PLEKHG1: variants seen among roughly 807,000 people sequenced by gnomAD.
The protein encoded by PLEKHG1 is pleckstrin homology and RhoGEF domain containing G1.
PLEKHG1 carries 44 observed loss-of-function variants against 100.8 expected under a neutral mutation model. The observed-to-expected ratio is 0.44, with a 90% CI of 0.34 to 0.56. The LOEUF (loss-of-function observed/expected upper bound fraction) is 0.56. Among genes scored for constraint, PLEKHG1 ranks in the 20% least tolerant of loss-of-function variants. PLEKHG1 has a pLI of 0.01. For synonymous variants in PLEKHG1, 640 were observed against 662.5 expected (o/e 0.97, Z 0.52); for missense variants, 1,545 against 1,720.9 (o/e 0.90, Z 1.81).
intron 12 of PLEKHG1, among the ~76,000 whole-genome samples, chr6:150,820,063 G>A (rs181474311): frequency 6.6e-6 from 1 of 152,246 alleles, no homozygotes; most frequent in African/African-American, 2.4e-5. Context: ...ATAAAAGTTA[G>A]CCAGGCGTGG....
At chr6:150,641,745 C>G (rs1263965314) in intron 2 of PLEKHG1, among the ~76,000 whole-genome samples, 1 of 151,842 alleles carries the variant, frequency 6.6e-6, no homozygotes, top group Admixed American at 6.6e-5. Flanking sequence ...TTTTCCCTCC[C>G]CTGAAACTGA....
At chr6:150,704,255 C>T (rs1234903759) in intron 3 of PLEKHG1, among the ~76,000 whole-genome samples, 2 of 152,202 alleles carry the variant, frequency 1.3e-5, no homozygotes, top group Non-Finnish European at 2.9e-5. Context: ...ATAAACCTTC[C>T]TCTGGTCTTC....
intron 3 of PLEKHG1, among the ~76,000 whole-genome samples, chr6:150,687,752 T>A (rs975569454): frequency 1.3e-5 from 2 of 152,192 alleles, no homozygotes; most frequent in African/African-American, 4.8e-5. Context: ...CATGCTCTCA[T>A]CTGACCCCAC....
chr6:150,767,308 G>A (rs978072504), intron 2 of PLEKHG1, among the ~76,000 whole-genome samples: 1 of 152,080 alleles, frequency 6.6e-6, no homozygotes, highest in Non-Finnish European at 1.5e-5. Context: ...AAGCTATTTG[G>A]GGATTTTAAT....
rs373293094 is a variant in PLEKHG1, at chr6:150,601,700, C to A, written c.-204+1683C>A. Among the ~76,000 whole-genome samples, 13 of 152,332 alleles carry A rather than the reference C, an allele frequency of 8.5e-5. 1 individual carries two copies. The highest frequency in any genetic ancestry group is 1.9e-4 in the East Asian group (1 of 5,190). On this transcript the variant is annotated intron_variant, in intron 1 of 3. Transcript: ENST00000367326. ...TAGGTCATCAGTAGCAGTCCACAGT[C>A]AACAGCAATGGCTGCACGACCTTCC...
intron 1 of PLEKHG1, among the ~76,000 whole-genome samples, chr6:150,728,901 A>C (rs982236031): frequency 6.6e-6 from 1 of 152,220 alleles, no homozygotes; most frequent in Non-Finnish European, 1.5e-5. Flanking sequence ...TGTCTCAAAA[A>C]AGAAAAAAAA....
chr6:150,723,610 A>T (rs1262766499), intron 1 of PLEKHG1, among the ~76,000 whole-genome samples: 1 of 152,208 alleles, frequency 6.6e-6, no homozygotes, highest in Non-Finnish European at 1.5e-5. Context: ...ACAGTTTTCA[A>T]AAAGTAATGA....
chr6:150,743,318 C>T lies in PLEKHG1; in HGVS notation c.411+9226C>T, dbSNP rs538044487. ...GGCAGGTCATTTGAGGTCAGGAGTT[C>T]AAGACCAGCCTGACCAGCATGGTGA... On this transcript the variant is annotated intron_variant, in intron 2 of 15. Transcript: ENST00000358517. Among the ~76,000 whole-genome samples the T allele has an allele frequency of 1.8e-4, 28 of 152,148 alleles. No homozygotes were observed. In the East Asian group the frequency reaches 5.2e-3, roughly 28 times the overall value.
Position 150,804,593 on chromosome 6 carries a change from GT to G in PLEKHG1, c.781-15del. 1 of 1,538,566 alleles carries G rather than the reference GT, an allele frequency of 6.5e-7. No individual in the cohort carries two copies. The highest frequency in any genetic ancestry group is 8.8e-7 in the Non-Finnish European group (1 of 1,142,556). Reference sequence around the variant, plus strand: ...TAAAATGAAAAAAAAAAAAACCCTCGTTCTTTTTTGTTTAAGGAAATAGAAA... The same window carrying G: ...TAAAATGAAAAAAAAAAAAACCCTCGTCTTTTTTGTTTAAGGAAATAGAAA... On this transcript the variant is annotated splice_polypyrimidine_tract_variant and intron_variant, in intron 6 of 15. Transcript: ENST00000358517.
chr6:150,753,668 T>C (rs911880497), intron 2 of PLEKHG1, among the ~76,000 whole-genome samples: 1 of 152,196 alleles, frequency 6.6e-6, no homozygotes, highest in African/African-American at 2.4e-5. Flanking sequence ...TGAGAGTTAA[T>C]CTACTTTTGA....
At chr6:150,786,539 GT>G (rs1785632475) in intron 4 of PLEKHG1, 80 bp downstream of exon 5, 2 of 922,780 alleles carry the variant, frequency 2.2e-6, no homozygotes, top group Admixed American at 2.1e-5. Context: ...AAAATGACTG[GT>G]TTGTTTCATA....
intron 2 of PLEKHG1, among the ~76,000 whole-genome samples, chr6:150,741,643 T>C (rs898751051): frequency 5.3e-5 from 8 of 151,776 alleles, no homozygotes; most frequent in Admixed American, 5.2e-4. Context: ...GAATATTGAA[T>C]GTACAGAGGA....
chr6:150,817,289 C>T (rs990350230), intron 10 of PLEKHG1, among the ~76,000 whole-genome samples: 3 of 152,136 alleles, frequency 2.0e-5, no homozygotes, highest in African/African-American at 7.2e-5. Context: ...CCTTCAGGGC[C>T]GTCTCACTCT....
intron 1 of PLEKHG1, among the ~76,000 whole-genome samples, chr6:150,616,369 A>C (rs1000950526): frequency 6.6e-6 from 1 of 152,200 alleles, no homozygotes; most frequent in African/African-American, 2.4e-5. Context: ...TCACTTGGGA[A>C]GAGAAAAGGA....
intron 2 of PLEKHG1, among the ~76,000 whole-genome samples, chr6:150,738,881 A>G (rs528180894): frequency 6.6e-6 from 1 of 152,348 alleles, no homozygotes; most frequent in South Asian, 2.1e-4. Flanking sequence ...ATGAGATGAT[A>G]AATATGAAAG....
chr6:150,611,824 A>AAAAAG (rs1228171836), intron 1 of PLEKHG1, among the ~76,000 whole-genome samples: 1 of 151,966 alleles, frequency 6.6e-6, no homozygotes, highest in East Asian at 1.9e-4. Flanking sequence ...AAAAAAAAAA[A>AAAAAG]AAAGAAAGAA....
intron 3 of PLEKHG1, among the ~76,000 whole-genome samples, chr6:150,691,760 T>C (rs1184138837): frequency 6.6e-6 from 1 of 152,236 alleles, no homozygotes; most frequent in Non-Finnish European, 1.5e-5. Context: ...GAAGGGGTCA[T>C]TGTAAATCTC....
chr6:150,814,791 G>A (rs1039119991), intron 10 of PLEKHG1, among the ~76,000 whole-genome samples: 9 of 152,128 alleles, frequency 5.9e-5, no homozygotes, highest in Admixed American at 3.9e-4. Context: ...ACAAGAAAAA[G>A]CACACTGCCA....
At chr6:150,818,855 T>G (rs1776135508) in intron 11 of PLEKHG1, among the ~76,000 whole-genome samples, 1 of 152,248 alleles carries the variant, frequency 6.6e-6, no homozygotes, top group South Asian at 2.1e-4. Flanking sequence ...ACTTCTACTT[T>G]ACTTAACCCT....
Sources: gnomAD v4.1 joint callset for allele counts (sites outside exome capture counted in the v4.1 genomes callset) on GRCh38, gnomAD v4.1.1 for gene constraint, MANE v1.5 for transcripts, NCBI Gene and HGNC (gene_info 2026-07-23, HGNC 2026-07-21) for gene names.